Variants in PLEK observed in about 807,000 individuals in gnomAD.
The protein encoded by PLEK is pleckstrin, also known as platelet 47 kDa protein.
Under a neutral mutation model 43.9 loss-of-function variants are expected in PLEK, and 25 were observed. That is an observed-to-expected ratio of 0.57 (90% confidence interval 0.41 to 0.79). PLEK has a LOEUF of 0.79. PLEK is among the 30% of genes least tolerant of loss of function. The pLI is 0.00. For synonymous variants in PLEK, 152 were observed against 144.4 expected, an observed-to-expected ratio of 1.05 and a Z score of -0.38; for missense variants, 396 against 413.3, an observed-to-expected ratio of 0.96 and a Z score of 0.36.
At chr2:68,392,522 G>C (rs1216173302) in intron 6 of PLEK, among the ~76,000 whole-genome samples, 1 of 152,030 alleles carries the variant, frequency 6.6e-6, no homozygotes, top group Non-Finnish European at 1.5e-5. Flanking sequence ...TTCCCACCTT[G>C]CCTCTGCTAC....
At chr2:68,377,531 G>C (rs1018075342) in intron 1 of PLEK, among the ~76,000 whole-genome samples, 3 of 152,120 alleles carry the variant, frequency 2.0e-5, no homozygotes, top group African/African-American at 4.8e-5. Flanking sequence ...GTGATGTTGA[G>C]CACCTTTTCA....
chr2:68,395,878 C>T lies in PLEK; in HGVS notation c.*62C>T. The T allele has an allele frequency of 6.9e-7, 1 of 1,443,138 alleles. No homozygotes were observed. The highest frequency in any genetic ancestry group is 9.7e-7 in the Non-Finnish European group (1 of 1,030,148). The allele number at this position is 1,443,138 out of a possible 1,614,324, so 89.4% of individuals were successfully genotyped here. On this transcript the variant is annotated 3_prime_UTR_variant, in exon 9 of 9. Transcript: ENST00000234313. ...GCCCATGGACAAGCTCAGTCCAGGA[C>T]CTGTCCACTTCTGTGACAAATCAAC...
chr2:68,395,985 G>A lies in PLEK; in HGVS notation c.*169G>A, dbSNP rs1673955787. The A allele has an allele frequency of 1.6e-6, 1 of 629,654 alleles. No homozygotes were observed. 39.0% of individuals were successfully genotyped at this position (629,654 alleles called of 1,614,324 possible). On this transcript the variant is annotated 3_prime_UTR_variant, in exon 9 of 9. Coordinates refer to ENST00000234313, the MANE Select transcript of PLEK (RefSeq NM_002664.3). ...ACCATGTGGTGTGCAAGGTTCCCCT[G>A]CATTGTATTGCTCACTGCAGCCCCT...
chr2:68,375,691 T>C (rs546260248), intron 1 of PLEK, among the ~76,000 whole-genome samples: 2 of 152,358 alleles, frequency 1.3e-5, no homozygotes, highest in African/African-American at 4.8e-5. Context: ...AACTGGACCT[T>C]TATATAGAGG....
intron 1 of PLEK, among the ~76,000 whole-genome samples, chr2:68,379,475 T>C (rs1429978420): frequency 1.3e-5 from 2 of 151,458 alleles, no homozygotes; most frequent in African/African-American, 2.4e-5. Context: ...CTCCTCAAAA[T>C]AGGCAATTAA....
intron 4 of PLEK, among the ~76,000 whole-genome samples, chr2:68,384,233 T>C (rs1673694069): frequency 1.3e-5 from 2 of 152,036 alleles, no homozygotes; most frequent in Admixed American, 1.3e-4. Context: ...ATTCTTCTTT[T>C]CTCCTTTTTC....
chr2:68,373,996 A>T (rs181733857), intron 1 of PLEK, among the ~76,000 whole-genome samples: 1 of 152,340 alleles, frequency 6.6e-6, no homozygotes, highest in East Asian at 1.9e-4. Flanking sequence ...CCACAGAAAA[A>T]TGAGGAAACT....
rs756620559 is a variant in PLEK, at chr2:68,382,031, C to T, written c.381-511C>T. Among the ~76,000 whole-genome samples, 10 of 152,196 alleles carry T rather than the reference C, an allele frequency of 6.6e-5. No homozygotes were observed. In the East Asian group the frequency reaches 1.5e-3, roughly 23 times the overall value. On this transcript the variant is annotated intron_variant, in intron 3 of 8. Transcript: ENST00000234313. ...CAAGGACAAAAATGAGAACTTCTCA[C>T]CATTTTGCCTTATATCTCATCATTT...
At chr2:68,379,510 C>CAA in intron 1 of PLEK, among the ~76,000 whole-genome samples, 1 of 150,866 alleles carries the variant, frequency 6.6e-6, no homozygotes, top group African/African-American at 2.4e-5. Context: ...ATAAAGACTT[C>CAA]AAAAAAAGAA....
At chr2:68,383,057 G>A (rs1673662861) in intron 4 of PLEK, among the ~76,000 whole-genome samples, 2 of 152,222 alleles carry the variant, frequency 1.3e-5, no homozygotes, top group South Asian at 2.1e-4. Flanking sequence ...AGTGTTATGA[G>A]TTTAGGTAGT....
At chr2:68,372,988 G>A (rs992912242) in intron 1 of PLEK, among the ~76,000 whole-genome samples, 64 of 149,204 alleles carry the variant, frequency 4.3e-4, no homozygotes, top group African/African-American at 1.4e-3. Flanking sequence ...ACTTAACTGG[G>A]CCTCCACTTT....
chr2:68,367,292 T>A (rs1673297118), intron 1 of PLEK, among the ~76,000 whole-genome samples: 1 of 152,066 alleles, frequency 6.6e-6, no homozygotes, highest in African/African-American at 2.4e-5. Context: ...AATTTTAGGT[T>A]CAGGAGTATA....
At chr2:68,390,075 C>T (rs979447216) in intron 6 of PLEK, among the ~76,000 whole-genome samples, 7 of 152,184 alleles carry the variant, frequency 4.6e-5, no homozygotes, top group African/African-American at 1.2e-4. Flanking sequence ...ACTGGAGCCA[C>T]GTCTCAGTGA....
chr2:68,388,033 A>G (rs1193251057), intron 5 of PLEK: 2 of 203,686 alleles, frequency 9.8e-6, no homozygotes, highest in Non-Finnish European at 2.0e-5. Context: ...CCCTGCTTTC[A>G]AGGATGTGAC....
At chr2:68,369,363 G>T (rs1673346213) in intron 1 of PLEK, among the ~76,000 whole-genome samples, 1 of 152,112 alleles carries the variant, frequency 6.6e-6, no homozygotes, top group Non-Finnish European at 1.5e-5. Flanking sequence ...TTTCTATGTG[G>T]CCCTCGTGGG....
intron 3 of PLEK, among the ~76,000 whole-genome samples, chr2:68,381,823 C>T (rs191726180): frequency 2.6e-5 from 4 of 152,160 alleles, no homozygotes; most frequent in African/African-American, 7.2e-5. Context: ...AGAGCTCCAA[C>T]GAGGCACCTA....
chr2:68,393,152 C>A lies in PLEK; in HGVS notation c.763-10C>A. On this transcript the variant is annotated splice_polypyrimidine_tract_variant and intron_variant, in intron 6 of 8. Coordinates refer to ENST00000234313, the MANE Select transcript of PLEK (RefSeq NM_002664.3). ...ACCATCCCTTCTTTTAATGTTGATC[C>A]TGGATACAGGGGCATAGAAGGAAAA... The A allele has an allele frequency of 1.3e-6, 2 of 1,578,292 alleles. No homozygotes were observed. Among genetic ancestry groups the A allele is most frequent in the Non-Finnish European group, 1.7e-6 (2 of 1,147,494 alleles).
chr2:68,376,851 G>A (rs1673513752), intron 1 of PLEK, among the ~76,000 whole-genome samples: 1 of 152,054 alleles, frequency 6.6e-6, no homozygotes, highest in African/African-American at 2.4e-5. Context: ...TGAAATCATA[G>A]GTCTCATTTA....
chr2:68,366,785 C>T (rs1428822218), intron 1 of PLEK, among the ~76,000 whole-genome samples: 4 of 152,192 alleles, frequency 2.6e-5, no homozygotes, highest in Non-Finnish European at 4.4e-5. Context: ...TTAATATTGA[C>T]TTATTCCTTT....
Sources: allele counts gnomAD v4.1 joint callset (sites outside exome capture counted in the v4.1 genomes callset), GRCh38; gene constraint gnomAD v4.1.1; transcripts MANE v1.5; gene names NCBI Gene and HGNC (gene_info 2026-07-23, HGNC 2026-07-21).